The following DYM variants were observed in gnomAD, a reference collection of about 807,000 sequenced individuals.
DYM encodes dymeclin.
In DYM, 78 loss-of-function variants were observed where a neutral mutation model predicts 93.1. The observed-to-expected ratio is 0.84, with a 90% CI of 0.70 to 1.01. The LOEUF (loss-of-function observed/expected upper bound fraction) is 1.01, where lower values mean the gene tolerates loss of function less well. Among genes scored for constraint, DYM ranks in the 50% least tolerant of loss-of-function variants. The pLI, the probability that DYM is intolerant of heterozygous loss-of-function variation, is 0.00. For synonymous variants in DYM, 321 were observed against 319.7 expected, an observed-to-expected ratio of 1.00 and a Z score of -0.04; for missense variants, 789 against 845.0, an observed-to-expected ratio of 0.93 and a Z score of 0.82.
chr18:49,147,273 G>A (rs2085268467), intron 15 of DYM, among the ~76,000 whole-genome samples: 1 of 151,810 alleles, frequency 6.6e-6, no homozygotes, highest in South Asian at 2.1e-4. Context: ...TACCATTCAG[G>A]ACATAGGCAT....
At chr18:49,201,929 G>A (rs771533869) in intron 14 of DYM, among the ~76,000 whole-genome samples, 2 of 152,146 alleles carry the variant, frequency 1.3e-5, no homozygotes, top group Non-Finnish European at 2.9e-5. Flanking sequence ...CCCATTTGCT[G>A]TTTGGCACAG....
At chr18:49,268,425 C>T (rs989612390) in intron 11 of DYM, among the ~76,000 whole-genome samples, 8 of 152,264 alleles carry the variant, frequency 5.3e-5, no homozygotes, top group African/African-American at 1.9e-4. Flanking sequence ...CTGAACTTTC[C>T]CTATCTTACC....
intron 13 of DYM, among the ~76,000 whole-genome samples, chr18:49,217,001 T>G (rs1019515396): frequency 3.9e-5 from 6 of 152,092 alleles, no homozygotes; most frequent in Non-Finnish European, 7.4e-5. Flanking sequence ...AGTTAAATAC[T>G]TCGAAAAAAA....
At chr18:49,103,396 T>C (rs1222586408) in intron 16 of DYM, among the ~76,000 whole-genome samples, 1 of 152,378 alleles carries the variant, frequency 6.6e-6, no homozygotes, top group East Asian at 1.9e-4. Flanking sequence ...TCTTTTGCTG[T>C]GCAGAAGCTC....
chr18:49,378,742 A>C (rs770194815), intron 4 of DYM, 42 bp from the exon 5 acceptor site: 1 of 1,602,052 alleles, frequency 6.2e-7, no homozygotes, highest in Non-Finnish European at 8.5e-7. Flanking sequence ...ATTTAAACAT[A>C]AGCACCATAG....
At chr18:49,199,489 A>C (rs2091825533) in intron 14 of DYM, among the ~76,000 whole-genome samples, 1 of 152,240 alleles carries the variant, frequency 6.6e-6, no homozygotes, top group South Asian at 2.1e-4. Context: ...TTTAAGACTG[A>C]ATACCACATT....
chr18:49,384,459 C>T (rs1325099874), intron 3 of DYM, among the ~76,000 whole-genome samples: 1 of 151,644 alleles, frequency 6.6e-6, no homozygotes, highest in Non-Finnish European at 1.5e-5. Context: ...AACCCCATCT[C>T]TACTAAAAAT....
intron 16 of DYM, among the ~76,000 whole-genome samples, chr18:49,117,996 C>CTTTTTTTTTTTT (rs35936099): frequency 3.7e-5 from 2 of 53,468 alleles, no homozygotes; most frequent in Non-Finnish European, 6.1e-5. Flanking sequence ...TGTGCCCAGC[C>CTTTTTTTTTTTT]TTTTTTTTTT....
At chr18:49,409,832 G>A (rs2148176090) in intron 2 of DYM, among the ~76,000 whole-genome samples, 1 of 152,326 alleles carries the variant, frequency 6.6e-6, no homozygotes, top group South Asian at 2.1e-4. Context: ...AGGTCAGGCA[G>A]GCTACAGTTT....
intron 14 of DYM, among the ~76,000 whole-genome samples, chr18:49,172,699 G>A (rs1412112368): frequency 1.3e-5 from 2 of 152,138 alleles, no homozygotes; most frequent in Non-Finnish European, 2.9e-5. Context: ...TCTATGGCCT[G>A]TGGGTGGTGG....
intron 2 of DYM, among the ~76,000 whole-genome samples, chr18:49,424,710 T>C (rs2074088117): frequency 6.6e-6 from 1 of 152,132 alleles, no homozygotes; most frequent in Non-Finnish European, 1.5e-5. Context: ...GGATACAAAA[T>C]CAATGTATAA....
Position 49,391,642 on chromosome 18 carries a change from A to G in DYM, c.144T>C (p.Ser48=), listed in dbSNP as rs886042133. The stretch of plus-strand genomic sequence containing the variant: ...TTGCTTCCTCCAAGAGTTTCAACTC[A>G]CTACTGGAGAGACAGAAGAATAAAG... The part of the protein sequence containing the change: ...SFSFPAPTSS[S]ELKLLEEATI... The change falls in exon 3 of 18, where the codon AGT becomes AGC. Residue 48 remains serine (S), a synonymous_variant. Transcript: ENST00000675505. 1 of 1,612,948 alleles carries G rather than the reference A, an allele frequency of 6.2e-7. No homozygotes were observed. Among genetic ancestry groups the G allele is most frequent in the Non-Finnish European group, 8.5e-7 (1 of 1,179,116 alleles).
At chr18:49,384,603 A>G (rs4939578) in intron 3 of DYM, among the ~76,000 whole-genome samples, 103,142 of 143,654 alleles carry the variant, frequency 0.72, 36,966 homozygotes, top group South Asian at 0.76. Context: ...CCAGCCTGGG[A>G]GACACAGCAA....
At chr18:49,343,829 TG>T (rs1192667909) in intron 6 of DYM, among the ~76,000 whole-genome samples, 3 of 152,036 alleles carry the variant, frequency 2.0e-5, no homozygotes, top group African/African-American at 7.2e-5. Context: ...AATTTATGCC[TG>T]GGCATACTGG....
At chr18:49,334,216 T>C (rs943559669) in intron 6 of DYM, among the ~76,000 whole-genome samples, 1 of 152,194 alleles carries the variant, frequency 6.6e-6, no homozygotes, top group African/African-American at 2.4e-5. Context: ...AGACAAATAC[T>C]CAGATTGTAA....
chr18:49,046,064 G>C (rs1019863147), intron 17 of DYM, among the ~76,000 whole-genome samples: 1 of 151,510 alleles, frequency 6.6e-6, no homozygotes, highest in Admixed American at 6.6e-5. Context: ...GGGAGGAGCA[G>C]GTAGAGGAGC....
At chr18:49,361,934 C>T (rs2066059119) in intron 6 of DYM, among the ~76,000 whole-genome samples, 1 of 152,058 alleles carries the variant, frequency 6.6e-6, no homozygotes. Flanking sequence ...CCATGTTGGC[C>T]AGGCTGGTCG....
rs770877390 is a variant in DYM, at chr18:49,430,368, G to A, written c.27C>T (p.Gly9=). The A allele has an allele frequency of 8.1e-6, 13 of 1,613,728 alleles. No homozygotes were observed. Among genetic ancestry groups the A allele is most frequent in the South Asian group, 2.2e-5 (2 of 91,072 alleles). The change falls in exon 2 of 18, where the codon GGC becomes GGT. Residue 9 remains glycine, a synonymous_variant. Coordinates refer to ENST00000675505, the MANE Select transcript of DYM (RefSeq NM_001353214.3). MGSNSSRI[G]DLPKNEYLKK... ...TCAAGTACTCATTTTTAGGAAGATC[G>A]CCGATTCTGCTGCTATTCGATCCCA...
intron 10 of DYM, among the ~76,000 whole-genome samples, chr18:49,280,210 A>G (rs3794825): frequency 0.08 from 12,214 of 152,236 alleles, 767 homozygotes; most frequent in East Asian, 0.31. Context: ...AAGGAAATCA[A>G]TTATTGCTTA....
Sources: allele counts gnomAD v4.1 joint callset (sites outside exome capture counted in the v4.1 genomes callset), GRCh38; gene constraint gnomAD v4.1.1; transcripts MANE v1.5; gene names NCBI Gene and HGNC (gene_info 2026-07-23, HGNC 2026-07-21).